Variants in ADGRB3 observed in about 807,000 individuals in gnomAD.
ADGRB3 encodes adhesion G protein-coupled receptor B3.
A neutral mutation model predicts 193.4 loss-of-function variants in ADGRB3; 37 were observed. The ratio of observed to expected loss-of-function variants is 0.19; its 90% CI spans 0.15 to 0.25. The LOEUF (loss-of-function observed/expected upper bound fraction) is 0.25, where lower values mean the gene tolerates loss of function less well. ADGRB3 is among the 10% of genes least tolerant of loss of function. The pLI is 1.00. For synonymous variants in ADGRB3, 690 were observed against 644.2 expected (o/e 1.07, Z -1.08); for missense variants, 1,637 against 1,852.9 (o/e 0.88, Z 2.14).
chr6:69,010,874 G>C (rs9454674), intron 11 of ADGRB3, among the ~76,000 whole-genome samples: 61,560 of 151,474 alleles, frequency 0.41, 13,154 homozygotes, highest in Middle Eastern at 0.46. Flanking sequence ...TGACATAAGT[G>C]ACCTAATCCA....
At chr6:68,859,618 G>A (rs988308091) in intron 3 of ADGRB3, among the ~76,000 whole-genome samples, 13 of 152,166 alleles carry the variant, frequency 8.5e-5, no homozygotes, top group Admixed American at 3.3e-4. Context: ...AACTTGTGTA[G>A]GGGACCTCCC....
intron 3 of ADGRB3, among the ~76,000 whole-genome samples, chr6:68,819,999 C>T (rs1767719080): frequency 6.6e-6 from 1 of 151,980 alleles, no homozygotes; most frequent in Non-Finnish European, 1.5e-5. Flanking sequence ...GCCTATGTCT[C>T]TGCCCAAGTA....
intron 17 of ADGRB3, among the ~76,000 whole-genome samples, chr6:69,117,740 C>A (rs1001190167): frequency 6.6e-6 from 1 of 152,128 alleles, no homozygotes; most frequent in Non-Finnish European, 1.5e-5. Context: ...GTCTTATATT[C>A]CTGTGTCTGA....
At chr6:68,702,341 C>T (rs1157456895) in intron 3 of ADGRB3, among the ~76,000 whole-genome samples, 1 of 152,062 alleles carries the variant, frequency 6.6e-6, no homozygotes, top group African/African-American at 2.4e-5. Context: ...AGAAATCTGT[C>T]CCCATGATCC....
chr6:68,696,561 T>A (rs535138088), intron 3 of ADGRB3, among the ~76,000 whole-genome samples: 12 of 151,920 alleles, frequency 7.9e-5, no homozygotes, highest in African/African-American at 2.6e-4. Flanking sequence ...TGGAGGAAAA[T>A]GTTCCTTATG....
intron 17 of ADGRB3, among the ~76,000 whole-genome samples, chr6:69,076,844 A>G (rs376754680): frequency 4.2e-4 from 64 of 152,090 alleles, no homozygotes; most frequent in African/African-American, 1.5e-3. Flanking sequence ...ATGAAGCACC[A>G]TATTGTTGGA....
intron 13 of ADGRB3, among the ~76,000 whole-genome samples, chr6:69,030,999 TC>T (rs1270877800): frequency 1.3e-4 from 16 of 121,798 alleles, no homozygotes; most frequent in South Asian, 2.4e-4. Context: ...TTCTTTCTTT[TC>T]CTTTCTTTTC....
In ADGRB3 at chr6:69,049,272, A is replaced by C. The variant is rs1481939036; in HGVS notation, c.2259A>C (p.Glu753Asp). ...TACTTCAAAATTTATTCTTTCTAGA[A>C]TTAGATGAATCATCTGTATTTGTTC... The part of the protein sequence containing the change: ...KSIFTPVSSK[E>D]LDESSVFVLG... Residue 753 changes from glutamate to aspartate, a missense_variant and splice_region_variant, in exon 15 of 32, where the codon GAA (glutamate) becomes GAC (aspartate). By Grantham distance (45) the Glu-to-Asp change is conservative (BLOSUM62 2). Coordinates refer to ENST00000370598, the MANE Select transcript of ADGRB3 (RefSeq NM_001704.3). The C allele has an allele frequency of 6.3e-7, 1 of 1,597,212 alleles. No individual in the cohort carries two copies. Among genetic ancestry groups the C allele is most frequent in the Non-Finnish European group, 8.5e-7 (1 of 1,169,636 alleles).
chr6:68,857,630 T>C (rs1017978302), intron 3 of ADGRB3, among the ~76,000 whole-genome samples: 12 of 152,362 alleles, frequency 7.9e-5, no homozygotes, highest in African/African-American at 2.9e-4. Context: ...CTTTTTATTT[T>C]ACAGACTCAT....
chr6:68,956,308 TG>T, intron 7 of ADGRB3, 120 bp downstream of exon 7: 1 of 969,202 alleles, frequency 1.0e-6, no homozygotes. Context: ...TATATGTGTG[TG>T]TGTGTGTGTG....
chr6:69,182,400 A>C lies in ADGRB3; in HGVS notation c.2481-50890A>C, dbSNP rs554059565. Among the ~76,000 whole-genome samples, 82 of 138,158 alleles carry C rather than the reference A, an allele frequency of 5.9e-4. 1 individual carries two copies. The highest frequency in any genetic ancestry group is 2.0e-3 in the African/African-American group (76 of 37,692). The allele number at this position is 138,158 out of a possible 152,430, so 90.6% of individuals were successfully genotyped here. A position where few individuals can be genotyped will look rare whatever the true frequency, so the allele number is the denominator to read the frequency against. ...AAATGAAATAAAATAAAAATAAAACAACAACAAGAAAAAAAAAAAAACAGA... is the reference window on the plus strand; with the variant it reads ...AAATGAAATAAAATAAAAATAAAACCACAACAAGAAAAAAAAAAAAACAGA... On this transcript the variant is annotated intron_variant, in intron 17 of 31. Transcript: ENST00000370598.
At chr6:69,232,497 C>G (rs1416989208) in intron 17 of ADGRB3, 1 of 1,534,992 alleles carries the variant, frequency 6.5e-7, no homozygotes, top group Non-Finnish European at 8.7e-7. Flanking sequence ...TGGGGTTATT[C>G]CTCTGAATGT....
At chr6:69,098,991 C>T (rs922810745) in intron 17 of ADGRB3, among the ~76,000 whole-genome samples, 1 of 152,162 alleles carries the variant, frequency 6.6e-6, no homozygotes, top group Non-Finnish European at 1.5e-5. Context: ...TTTTAAATAG[C>T]TACCTCTATG....
chr6:69,008,893 G>T (rs141285508), intron 11 of ADGRB3, among the ~76,000 whole-genome samples: 9 of 152,206 alleles, frequency 5.9e-5, no homozygotes, highest in Admixed American at 5.9e-4. Context: ...TTTCTTATCT[G>T]TAAAAATAAG....
intron 8 of ADGRB3, among the ~76,000 whole-genome samples, chr6:68,966,848 T>C (rs1341350291): frequency 1.3e-5 from 2 of 152,198 alleles, no homozygotes; most frequent in African/African-American, 4.8e-5. Flanking sequence ...ATGAATTCTA[T>C]AAGTGGCACT....
At position 69,008,356 on chromosome 6, in the gene ADGRB3, A is replaced by G. The variant is rs1357627349; in HGVS notation, c.1930-5682A>G. On this transcript the variant is annotated intron_variant, in intron 11 of 31. Coordinates refer to ENST00000370598, the MANE Select transcript of ADGRB3 (RefSeq NM_001704.3). ...TTCAATGACTACTACTTGAATAAAG[A>G]AATACATTTCTGCTTAAGTATTTAG... Among the ~76,000 whole-genome samples, 27 of 152,168 alleles carry G rather than the reference A, an allele frequency of 1.8e-4. 1 individual carries two copies. The highest frequency in any genetic ancestry group is 1.7e-3 in the Admixed American group (26 of 15,272).
intron 17 of ADGRB3, among the ~76,000 whole-genome samples, chr6:69,165,949 A>G (rs1271745000): frequency 6.6e-6 from 1 of 152,136 alleles, no homozygotes; most frequent in Non-Finnish European, 1.5e-5. Flanking sequence ...GTTAAAATGA[A>G]TGGAATTGAA....
At chr6:69,289,268 T>G (rs1057447330) in intron 20 of ADGRB3, among the ~76,000 whole-genome samples, 12 of 152,222 alleles carry the variant, frequency 7.9e-5, no homozygotes, top group Non-Finnish European at 1.8e-4. Flanking sequence ...GACAGTCACC[T>G]AAATAATACC....
intron 11 of ADGRB3, among the ~76,000 whole-genome samples, chr6:69,000,182 G>C (rs1236451279): frequency 6.6e-6 from 1 of 151,696 alleles, no homozygotes; most frequent in Non-Finnish European, 1.5e-5. Flanking sequence ...TTATTTCTTA[G>C]TTTCTGTAAA....
Sources: allele counts gnomAD v4.1 joint callset (sites outside exome capture counted in the v4.1 genomes callset), GRCh38; gene constraint gnomAD v4.1.1; transcripts MANE v1.5; gene names NCBI Gene and HGNC (gene_info 2026-07-23, HGNC 2026-07-21).